ADCY2: variants seen among roughly 807,000 people sequenced by gnomAD.
ADCY2 encodes the protein adenylate cyclase 2, also known as adenylate cyclase type 2.
ADCY2 carries 31 observed loss-of-function variants against 125.2 expected under a neutral mutation model. The ratio of observed to expected loss-of-function variants is 0.25; its 90% CI spans 0.19 to 0.33. The LOEUF is 0.33. ADCY2 is among the 10% of genes least tolerant of loss of function. The probability of loss-of-function intolerance (pLI) is 1.00; values close to 1 mark genes in which losing one functional copy is unlikely to be tolerated. For synonymous variants in ADCY2, 512 were observed against 548.4 expected (o/e 0.93, Z 0.93); for missense variants, 904 against 1,418.2 (o/e 0.64, Z 5.82).
intron 1 of ADCY2, among the ~76,000 whole-genome samples, chr5:7,412,599 A>G (rs1739767467): frequency 6.6e-6 from 1 of 152,250 alleles, no homozygotes; most frequent in South Asian, 2.1e-4. Context: ...TAGGCACTTA[A>G]TCGTGGCTAA....
rs184052546 is a variant in ADCY2, at chr5:7,789,199, T to G, written c.2470-443T>G. On this transcript the variant is annotated intron_variant, in intron 19 of 24. Transcript: ENST00000338316. ...TATACAATTTGTGTTAGGGAAAAAC[T>G]AATTTACAAATGCTAAAGGCAAACT... 6.5e-3 allele frequency among the ~76,000 whole-genome samples: 992 copies of G among 152,364 alleles called. 5 individuals carry two copies. Among genetic ancestry groups the G allele is most frequent in the Non-Finnish European group, 0.01 (693 of 68,034 alleles).
At position 7,789,732 on chromosome 5, in the gene ADCY2, G is replaced by A. The variant is rs1458608360; in HGVS notation, c.2560G>A (p.Val854Met). The change falls in exon 20 of 25, where the codon GTG becomes ATG. Residue 854 changes from valine to methionine, a missense_variant. Transcript: ENST00000338316. ...AGAGACCATGGAGAACCTGAACCGC[G>A]TGCTGCTGGAGAACGTGCTTCCCGC... ...EIETMENLNRVLLENVLPAHV... is the reference protein window; with the variant it reads ...EIETMENLNRMLLENVLPAHV... 7 of 1,613,466 alleles carry A rather than the reference G, an allele frequency of 4.3e-6. No individual in the cohort carries two copies. Among genetic ancestry groups the A allele is most frequent in the South Asian group, 2.2e-5 (2 of 91,018 alleles).
At chr5:7,505,170 C>A (rs2126509951) in intron 2 of ADCY2, among the ~76,000 whole-genome samples, 1 of 152,256 alleles carries the variant, frequency 6.6e-6, no homozygotes, top group South Asian at 2.1e-4. Flanking sequence ...AGGTGTGAGC[C>A]ACCGTGCCTG....
intron 1 of ADCY2, among the ~76,000 whole-genome samples, chr5:7,404,648 T>A (rs1271637155): frequency 6.6e-6 from 1 of 152,204 alleles, no homozygotes. Context: ...TTCATTTTTT[T>A]ATTGGCCAGA....
In ADCY2 at chr5:7,396,230, G is replaced by T; in HGVS notation, c.-67G>T. Reference sequence around the variant, plus strand: ...CCGAGGCGGCGCGGGGGTGGGACGCGGGCGGCCGCGGCGAGCGGCGCTGCC... The same window carrying T: ...CCGAGGCGGCGCGGGGGTGGGACGCTGGCGGCCGCGGCGAGCGGCGCTGCC... On this transcript the variant is annotated 5_prime_UTR_variant, in exon 1 of 25. Coordinates refer to ENST00000338316, the MANE Select transcript of ADCY2 (RefSeq NM_020546.3). This position sits in a 1 kb window ranked among gnomAD's most constrained non-coding sequence, Gnocchi z 5.7. 1.1e-6 allele frequency: 1 copy of T among 908,126 alleles called. No homozygotes were observed. Among genetic ancestry groups the T allele is most frequent in the Non-Finnish European group, 1.3e-6 (1 of 762,714 alleles). The allele number at this position is 908,126 out of a possible 1,614,324, so 56.3% of individuals were successfully genotyped here.
intron 14 of ADCY2, among the ~76,000 whole-genome samples, chr5:7,737,651 A>T (rs1742288311): frequency 6.6e-6 from 1 of 152,194 alleles, no homozygotes; most frequent in Non-Finnish European, 1.5e-5. Flanking sequence ...TTAGTGACAA[A>T]TTTTCCTAAA....
At chr5:7,499,682 T>TATAC (rs1491273316) in intron 2 of ADCY2, among the ~76,000 whole-genome samples, 4 of 128,032 alleles carry the variant, frequency 3.1e-5, no homozygotes, top group African/African-American at 1.2e-4. Context: ...TATATATATA[T>TATAC]GTATATATAT....
chr5:7,622,497 A>T (rs373104853), intron 3 of ADCY2, among the ~76,000 whole-genome samples: 4 of 152,226 alleles, frequency 2.6e-5, no homozygotes, highest in African/African-American at 9.6e-5. Flanking sequence ...ATAAATTAAA[A>T]ATCAGTAAAG....
chr5:7,809,462 C>A (rs770087370), intron 22 of ADCY2, among the ~76,000 whole-genome samples: 40 of 152,210 alleles, frequency 2.6e-4, no homozygotes, highest in Non-Finnish European at 1.5e-5. Flanking sequence ...TTGTAACCTG[C>A]CCAAAATGGG....
chr5:7,568,998 G>A (rs574787807), intron 3 of ADCY2, among the ~76,000 whole-genome samples: 3 of 152,242 alleles, frequency 2.0e-5, no homozygotes, highest in African/African-American at 7.2e-5. Context: ...AACAACTATG[G>A]TAGACTGCAA....
chr5:7,517,937 A>G (rs1744308726), intron 2 of ADCY2, among the ~76,000 whole-genome samples: 1 of 152,190 alleles, frequency 6.6e-6, no homozygotes, highest in Non-Finnish European at 1.5e-5. Context: ...GTAATTGTCA[A>G]CTCTGGTACC....
At chr5:7,632,592 A>T (rs945652890) in intron 4 of ADCY2, among the ~76,000 whole-genome samples, 1 of 152,232 alleles carries the variant, frequency 6.6e-6, no homozygotes, top group Admixed American at 6.5e-5. Flanking sequence ...ACTGAAAAAA[A>T]AATGAAGAGC....
At chr5:7,462,660 T>C (rs1341512649) in intron 2 of ADCY2, among the ~76,000 whole-genome samples, 1 of 152,244 alleles carries the variant, frequency 6.6e-6, no homozygotes, top group Non-Finnish European at 1.5e-5. Context: ...TTTTGAATTG[T>C]TAGGGTGGTG....
intron 2 of ADCY2, among the ~76,000 whole-genome samples, chr5:7,485,356 C>A (rs1224527012): frequency 1.3e-5 from 2 of 151,496 alleles, no homozygotes; most frequent in East Asian, 1.9e-4. Flanking sequence ...ATAATAAAAT[C>A]AAAATAAAAT....
intron 22 of ADCY2, among the ~76,000 whole-genome samples, chr5:7,809,803 A>G (rs1278526611): frequency 1.3e-5 from 2 of 152,228 alleles, no homozygotes; most frequent in Admixed American, 6.5e-5. Context: ...TTTTAAATGA[A>G]ATGATCCATT....
intron 2 of ADCY2, among the ~76,000 whole-genome samples, chr5:7,443,833 G>T (rs1741115572): frequency 6.6e-6 from 1 of 151,768 alleles, no homozygotes; most frequent in Non-Finnish European, 1.5e-5. Context: ...GGAATATTGT[G>T]TTTTAACATC....
chr5:7,520,646 T>A (rs1327481114), intron 2 of ADCY2, 92 bp from the exon 3 acceptor site: 1 of 1,391,988 alleles, frequency 7.2e-7, no homozygotes, highest in African/African-American at 1.4e-5. Flanking sequence ...TGTCTCATGC[T>A]GTTCTATGCA....
At chr5:7,517,882 T>C (rs1474802823) in intron 2 of ADCY2, among the ~76,000 whole-genome samples, 1 of 152,224 alleles carries the variant, frequency 6.6e-6, no homozygotes, top group Admixed American at 6.5e-5. Context: ...CTAAAGGTTT[T>C]TGCATAGAAG....
intron 3 of ADCY2, among the ~76,000 whole-genome samples, chr5:7,544,246 C>G (rs1351957987): frequency 6.6e-6 from 1 of 152,110 alleles, no homozygotes; most frequent in African/African-American, 2.4e-5. Flanking sequence ...TCCAAAGCTG[C>G]TATAACAAAT....
Sources: gnomAD v4.1 joint callset for allele counts (sites outside exome capture counted in the v4.1 genomes callset) on GRCh38, gnomAD v4.1.1 for gene constraint, Gnocchi (gnomAD v3.1) non-coding constraint, MANE v1.5 for transcripts, NCBI Gene and HGNC (gene_info 2026-07-23, HGNC 2026-07-21) for gene names.